The following AUTS2 variants were observed in gnomAD, a reference collection of about 807,000 sequenced individuals.
AUTS2 encodes the protein autism susceptibility gene 2 protein.
A neutral mutation model predicts 112.4 loss-of-function variants in AUTS2; 17 were observed. The observed-to-expected ratio is 0.15, with a 90% confidence interval of 0.10 to 0.23. The LOEUF (loss-of-function observed/expected upper bound fraction) is 0.23. AUTS2 is among the 10% of genes least tolerant of loss of function. The probability of loss-of-function intolerance (pLI) is 1.00; values close to 1 mark genes in which losing one functional copy is unlikely to be tolerated. For synonymous variants in AUTS2, 751 were observed against 702.7 expected, an observed-to-expected ratio of 1.07 and a Z score of -1.09; for missense variants, 1,510 against 1,701.6, an observed-to-expected ratio of 0.89 and a Z score of 1.98.
At chr7:70,366,468 A>G (rs945484092) in intron 4 of AUTS2, among the ~76,000 whole-genome samples, 1 of 152,206 alleles carries the variant, frequency 6.6e-6, no homozygotes, top group African/African-American at 2.4e-5. Context: ...TTGTGGAAGT[A>G]GGTAGCCCTA....
intron 1 of AUTS2, among the ~76,000 whole-genome samples, chr7:69,677,975 C>T (rs1342685573): frequency 6.6e-6 from 1 of 152,074 alleles, no homozygotes; most frequent in African/African-American, 2.4e-5. Flanking sequence ...TGGAAAAGCC[C>T]ATTTTGAGAC....
chr7:70,648,070 C>T (rs1192537379), intron 5 of AUTS2, among the ~76,000 whole-genome samples: 1 of 152,146 alleles, frequency 6.6e-6, no homozygotes, highest in Non-Finnish European at 1.5e-5. Context: ...CTTTCTTTGC[C>T]TCGGTTTCTC....
chr7:70,357,079 T>G (rs1487892546), intron 4 of AUTS2, among the ~76,000 whole-genome samples: 2 of 152,190 alleles, frequency 1.3e-5, no homozygotes, highest in Admixed American at 1.3e-4. Context: ...ACAGAGGGGA[T>G]CCCAGGTAGT....
At chr7:70,236,712 A>G (rs898506376) in intron 4 of AUTS2, among the ~76,000 whole-genome samples, 7 of 152,170 alleles carry the variant, frequency 4.6e-5, no homozygotes, top group African/African-American at 1.7e-4. Flanking sequence ...ATTTTTGGCA[A>G]GTGCTAGGGG....
chr7:70,698,762 T>G (rs564442518), intron 6 of AUTS2, 142 bp downstream of exon 6: 14 of 648,248 alleles, frequency 2.2e-5, no homozygotes, highest in East Asian at 1.9e-4. Context: ...TTGCTTGAGA[T>G]GGAAGTCTGC....
At chr7:70,228,174 T>C (rs1220533120) in intron 4 of AUTS2, among the ~76,000 whole-genome samples, 1 of 151,980 alleles carries the variant, frequency 6.6e-6, no homozygotes, top group Non-Finnish European at 1.5e-5. Context: ...TCTTTGTCTC[T>C]AGTAACAGTT....
chr7:69,745,713 T>G (rs1787461843), intron 1 of AUTS2, among the ~76,000 whole-genome samples: 1 of 152,142 alleles, frequency 6.6e-6, no homozygotes, highest in Non-Finnish European at 1.5e-5. Flanking sequence ...TTGGGGGAAG[T>G]AATATTTGTG....
intron 4 of AUTS2, among the ~76,000 whole-genome samples, chr7:70,216,128 C>T (rs1338414796): frequency 1.3e-5 from 2 of 152,184 alleles, no homozygotes; most frequent in Non-Finnish European, 2.9e-5. Context: ...TACTCTGTAA[C>T]ATTTTAATAG....
intron 4 of AUTS2, among the ~76,000 whole-genome samples, chr7:70,254,169 T>C (rs941783453): frequency 8.5e-5 from 13 of 152,092 alleles, no homozygotes; most frequent in Admixed American, 6.6e-5. Flanking sequence ...TAGTACCTAA[T>C]CTCCCATGGC....
chr7:69,600,408 C>CTTGT (rs368645166), intron 1 of AUTS2, among the ~76,000 whole-genome samples: 1 of 143,308 alleles, frequency 7.0e-6, no homozygotes. Context: ...GTCATATGTT[C>CTTGT]GTGTGTGTGT....
Position 70,762,997 on chromosome 7 carries a change from T to C in AUTS2, c.870T>C (p.Phe290=). 1 of 1,614,144 alleles carries C rather than the reference T, an allele frequency of 6.2e-7. No individual in the cohort carries two copies. The highest frequency in any genetic ancestry group is 8.5e-7 in the Non-Finnish European group (1 of 1,180,020). ...AGGACTGTTGCAAAGAGCCAATCTT[T>C]GAGCCTGTGGTGCTTAAAGACCCCT... ...KSQDCCKEPI[F]EPVVLKDPCP... is the part of the protein sequence containing the mutation. Residue 290 remains phenylalanine, a synonymous_variant, in exon 7 of 19, where the codon TTT becomes TTC. Coordinates refer to ENST00000342771, the MANE Select transcript of AUTS2 (RefSeq NM_015570.4).
At position 69,910,153 on chromosome 7, in the gene AUTS2, G is replaced by A. The variant is rs561515658; in HGVS notation, c.522+10655G>A. ...GATAAACATGGCAGTAGGAAGGATAGGGAAAGGTGTTGAGGGGATGTGATT... is the reference window on the plus strand; with the variant it reads ...GATAAACATGGCAGTAGGAAGGATAAGGAAAGGTGTTGAGGGGATGTGATT... On this transcript the variant is annotated intron_variant, in intron 2 of 18. Transcript: ENST00000342771. Among the ~76,000 whole-genome samples the A allele has an allele frequency of 1.6e-4, 25 of 152,338 alleles. No individual in the cohort carries two copies. The South Asian group carries it at 5.0e-3, about 30-fold the overall frequency.
At chr7:69,609,730 A>T (rs77480651) in intron 1 of AUTS2, among the ~76,000 whole-genome samples, 88 of 152,358 alleles carry the variant, frequency 5.8e-4, no homozygotes, top group African/African-American at 2.1e-3. Context: ...ATTTTCTTCG[A>T]GGAAATACTT....
intron 5 of AUTS2, among the ~76,000 whole-genome samples, chr7:70,665,188 G>A (rs1251615915): frequency 6.6e-6 from 1 of 152,114 alleles, no homozygotes; most frequent in Non-Finnish European, 1.5e-5. Flanking sequence ...TTGTTTATAA[G>A]GCTACAGGGC....
intron 5 of AUTS2, among the ~76,000 whole-genome samples, chr7:70,640,610 C>G (rs1454584257): frequency 6.6e-6 from 1 of 150,856 alleles, no homozygotes; most frequent in African/African-American, 2.4e-5. Context: ...TGTAAGAGAC[C>G]AACTGAGACA....
rs139416118 is a variant in AUTS2 at position 70,516,340 on chromosome 7, G to A, written c.690+80559G>A. Among the ~76,000 whole-genome samples the A allele has an allele frequency of 1.1e-3, 172 of 152,204 alleles. 1 individual carries two copies. In the East Asian group the frequency reaches 0.011, roughly 10 times the overall value. Reference sequence around the variant, plus strand: ...CAGGAATCTGCCATTTTCAGTTTCCGGCATGGTACTGCCAGCAAAGAGAGG... The same window carrying A: ...CAGGAATCTGCCATTTTCAGTTTCCAGCATGGTACTGCCAGCAAAGAGAGG... On this transcript the variant is annotated intron_variant, in intron 5 of 18. Transcript: ENST00000342771.
intron 2 of AUTS2, among the ~76,000 whole-genome samples, chr7:69,976,656 A>T (rs1798071681): frequency 6.6e-6 from 1 of 152,250 alleles, no homozygotes; most frequent in South Asian, 2.1e-4. Flanking sequence ...TCTTGATAGT[A>T]GCAATCTCAA....
At chr7:69,865,746 T>C (rs1793196932) in intron 1 of AUTS2, among the ~76,000 whole-genome samples, 1 of 152,176 alleles carries the variant, frequency 6.6e-6, no homozygotes, top group Non-Finnish European at 1.5e-5. Flanking sequence ...TTTAGAGACA[T>C]CATCAGTGCA....
chr7:70,562,221 C>T (rs1801518425), intron 5 of AUTS2, among the ~76,000 whole-genome samples: 1 of 152,196 alleles, frequency 6.6e-6, no homozygotes, highest in South Asian at 2.1e-4. Context: ...TATAGCAGCA[C>T]AAAATGGACA....
Sources: gnomAD v4.1 joint callset for allele counts (sites outside exome capture counted in the v4.1 genomes callset) on GRCh38, gnomAD v4.1.1 for gene constraint, MANE v1.5 for transcripts, NCBI Gene and HGNC (gene_info 2026-07-23, HGNC 2026-07-21) for gene names.